The following PKHD1 variants were observed in gnomAD, a reference collection of about 807,000 sequenced individuals.
PKHD1 encodes fibrocystin.
In PKHD1, 291 loss-of-function variants were observed where a neutral mutation model predicts 412.0. The ratio of observed to expected loss-of-function variants is 0.71; its 90% confidence interval spans 0.64 to 0.78. PKHD1 has a LOEUF of 0.78. PKHD1 is among the 30% of genes least tolerant of loss of function. The pLI, the probability that PKHD1 is intolerant of heterozygous loss-of-function variation, is 0.00. For missense variants in PKHD1, 4,825 were observed against 4,950.7 expected, an observed-to-expected ratio of 0.97 and a Z score of 0.76; for synonymous variants, 1,777 against 1,821.5, an observed-to-expected ratio of 0.98 and a Z score of 0.62.
At chr6:51,627,196 G>A in intron 65 of PKHD1, 80 bp from the exon 66 acceptor site, 1 of 1,311,242 alleles carries the variant, frequency 7.6e-7, no homozygotes, top group Non-Finnish European at 1.1e-6. Flanking sequence ...TCCCTTGTAT[G>A]TACCCTTGTC....
At chr6:51,833,260 T>A (rs76027368) in intron 51 of PKHD1, among the ~76,000 whole-genome samples, 8,208 of 152,274 alleles carry the variant, frequency 0.054, 235 homozygotes, top group South Asian at 0.074. Context: ...TGTACTTTTT[T>A]CACCTTTACT....
chr6:52,067,826 A>G (rs1377051235), intron 11 of PKHD1, among the ~76,000 whole-genome samples: 1 of 152,148 alleles, frequency 6.6e-6, no homozygotes, highest in East Asian at 1.9e-4. Flanking sequence ...CCCCATTTCC[A>G]GTAGGGGATA....
intron 36 of PKHD1, among the ~76,000 whole-genome samples, chr6:51,954,621 G>A (rs889903837): frequency 2.6e-5 from 4 of 151,946 alleles, no homozygotes; most frequent in Non-Finnish European, 1.5e-5. Context: ...TATATTTAAG[G>A]CAAACAACAG....
At position 52,013,516 on chromosome 6, in the gene PKHD1, A is replaced by G. The variant is rs189313233; in HGVS notation, c.5601-3057T>C. Among the ~76,000 whole-genome samples, 4 of 152,280 alleles carry G rather than the reference A, an allele frequency of 2.6e-5. No homozygotes were observed. The East Asian group carries it at 7.7e-4, about 29-fold the overall frequency. On this transcript the variant is annotated intron_variant, in intron 34 of 66. Coordinates refer to ENST00000371117, the MANE Select transcript of PKHD1 (RefSeq NM_138694.4). Reference sequence around the variant, plus strand: ...CTTCTAAATAGCTAGCTACTCTTCCATGGTTTCTTCCACAATAATCCTATG... The same window carrying G: ...CTTCTAAATAGCTAGCTACTCTTCCGTGGTTTCTTCCACAATAATCCTATG...
intron 2 of PKHD1, among the ~76,000 whole-genome samples, chr6:52,084,562 T>C (rs924660848): frequency 9.8e-5 from 15 of 152,366 alleles, no homozygotes; most frequent in African/African-American, 3.6e-4. Flanking sequence ...TTATAAGTTA[T>C]TATTAAAAGC....
chr6:52,009,304 T>C (rs938920493), intron 35 of PKHD1, among the ~76,000 whole-genome samples: 4 of 152,128 alleles, frequency 2.6e-5, no homozygotes, highest in Admixed American at 1.3e-4. Context: ...AACAGTTTAG[T>C]AAGGACAGAA....
intron 6 of PKHD1, among the ~76,000 whole-genome samples, chr6:52,076,019 C>T (rs1473374591): frequency 2.0e-5 from 3 of 152,144 alleles, no homozygotes; most frequent in African/African-American, 7.2e-5. Flanking sequence ...TCTCCAACAT[C>T]AACTCATTTG....
chr6:51,883,105 A>C lies in PKHD1; in HGVS notation c.7338T>G (p.His2446Gln). 1 of 1,613,330 alleles carries C rather than the reference A, an allele frequency of 6.2e-7. No homozygotes were observed. The change falls in exon 46 of 67, where the codon CAT becomes CAG. Residue 2446 changes from histidine to glutamine, a missense_variant. By Grantham distance (24) the His-to-Gln change is conservative. Coordinates refer to ENST00000371117, the MANE Select transcript of PKHD1 (RefSeq NM_138694.4). ...TSVTDSLLLG[H>Q]FAHKGSLCMS... ...CTAAGGCACTTACCTTGTGGGCAAA[A>C]TGACCAAGTAATAAGCTGTCAGTAA...
In PKHD1 at chr6:51,838,897, T is replaced by A. The variant is rs148796161; in HGVS notation, c.8108-2428A>T. 3.9e-5 allele frequency among the ~76,000 whole-genome samples: 6 copies of A among 152,330 alleles called. No homozygotes were observed. The East Asian group carries it at 7.7e-4, about 20-fold the overall frequency. ...TCATATGGCTATTAGAAAGAAAAGA[T>A]AGAATAGTCCATGGAACATGCTTAG... On this transcript the variant is annotated intron_variant, in intron 50 of 66. Transcript: ENST00000371117.
intron 48 of PKHD1, among the ~76,000 whole-genome samples, chr6:51,856,441 A>C (rs905246168): frequency 6.6e-6 from 1 of 152,260 alleles, no homozygotes; most frequent in Non-Finnish European, 1.5e-5. Context: ...TAAATGTCAC[A>C]TTAATGATTT....
intron 55 of PKHD1, among the ~76,000 whole-genome samples, chr6:51,758,014 AAGAGAGAG>A (rs10534219): frequency 0.32 from 40,798 of 126,012 alleles, 7,623 homozygotes; most frequent in East Asian, 0.76. Context: ...ACCCTGCCAA[AAGAGAGAG>A]AGAGAGAGAG....
chr6:51,766,353 T>C (rs1352726994), intron 55 of PKHD1, among the ~76,000 whole-genome samples: 1 of 152,126 alleles, frequency 6.6e-6, no homozygotes, highest in Non-Finnish European at 1.5e-5. Context: ...TACATATTTT[T>C]ATTTCTTTAT....
At position 51,619,915 on chromosome 6, in the gene PKHD1, C is replaced by A. The variant is rs944685642; in HGVS notation, c.11786-395G>T. On this transcript the variant is annotated intron_variant, in intron 66 of 66. Transcript: ENST00000371117. The stretch of plus-strand genomic sequence containing the variant: ...TATGAACTATAAAAACCAGTCCTAT[C>A]TAATACTTAGGCTCTTATACCAAGT... 3.9e-5 allele frequency among the ~76,000 whole-genome samples: 6 copies of A among 152,296 alleles called. No individual in the cohort carries two copies. In the South Asian group the frequency reaches 8.3e-4, roughly 21 times the overall value.
chr6:51,840,930 AC>A (rs1770076230), intron 50 of PKHD1, among the ~76,000 whole-genome samples: 1 of 152,226 alleles, frequency 6.6e-6, no homozygotes, highest in Non-Finnish European at 1.5e-5. Context: ...TTAGAAAAAA[AC>A]AACTAACCCA....
In PKHD1 at chr6:51,880,797, A is replaced by C. The variant is rs1313266567; in HGVS notation, c.7350+2296T>G. Among the ~76,000 whole-genome samples, 4 of 58,816 alleles carry C rather than the reference A, an allele frequency of 6.8e-5. 1 individual carries two copies. The highest frequency in any genetic ancestry group is 1.2e-4 in the Non-Finnish European group (4 of 33,188). The allele number at this position is 58,816 out of a possible 152,430, so 38.6% of individuals were successfully genotyped here. A position where few individuals can be genotyped will look rare whatever the true frequency, so the allele number is the denominator to read the frequency against. On this transcript the variant is annotated intron_variant, in intron 46 of 66. Transcript: ENST00000371117. The stretch of plus-strand genomic sequence containing the variant: ...AAAAAATTAAAAAAAAAAAAAAAAA[A>C]AAAAAAAAAACACAAAAAATTAGCC...
intron 60 of PKHD1, among the ~76,000 whole-genome samples, chr6:51,719,495 C>A (rs1021965808): frequency 6.6e-6 from 1 of 152,092 alleles, no homozygotes; most frequent in Non-Finnish European, 1.5e-5. Context: ...GCCAGTAGCA[C>A]CCCTCCAGTT....
chr6:52,017,698 A>G, intron 33 of PKHD1, 69 bp from the exon 34 acceptor site: 1 of 1,195,722 alleles, frequency 8.4e-7, no homozygotes, highest in Non-Finnish European at 1.2e-6. Flanking sequence ...GGTTTCACAA[A>G]TGAAGTTCCT....
intron 36 of PKHD1, among the ~76,000 whole-genome samples, chr6:51,959,212 A>G (rs1791618267): frequency 1.3e-5 from 2 of 152,156 alleles, no homozygotes; most frequent in African/African-American, 4.8e-5. Context: ...GCCAATGAAC[A>G]GAGGCATTTT....
rs145960781 is a variant in PKHD1, at chr6:52,025,976, G to A, written c.3834C>T (p.Phe1278=). The A allele has an allele frequency of 1.6e-4, 264 of 1,614,122 alleles. 1 individual carries two copies. In the African/African-American group the frequency reaches 2.9e-3, roughly 18 times the overall value. Residue 1278 remains phenylalanine (F), a synonymous_variant, in exon 32 of 67, where the codon TTC becomes TTT. Transcript: ENST00000371117. ...CCAAGCTTGGTGAAGGACCACGGGC[G>A]AAGAACCTGTTGCCAGCCCAGACCT... is the stretch of plus-strand genomic sequence containing the variant. The part of the protein sequence containing the change: ...AVEVWAGNRF[F]ARGPSPSLVG...
Sources: allele counts gnomAD v4.1 joint callset (sites outside exome capture counted in the v4.1 genomes callset), GRCh38; gene constraint gnomAD v4.1.1; transcripts MANE v1.5; gene names NCBI Gene and HGNC (gene_info 2026-07-23, HGNC 2026-07-21).